The following TRNT1 variants were observed in gnomAD, a reference collection of about 807,000 sequenced individuals.
TRNT1 encodes the protein tRNA nucleotidyl transferase 1, also known as CCA tRNA nucleotidyltransferase 1, mitochondrial.
Under a neutral mutation model 45.6 loss-of-function variants are expected in TRNT1, and 44 were observed. That is an observed-to-expected ratio of 0.97 (90% CI 0.76 to 1.24). The LOEUF is 1.24. Ranked by LOEUF, TRNT1 falls within the 50% of genes most tolerant of loss-of-function variation. The pLI is 0.00. For synonymous variants in TRNT1, 201 were observed against 171.4 expected, an observed-to-expected ratio of 1.17 and a Z score of -1.35; for missense variants, 633 against 504.4, an observed-to-expected ratio of 1.25 and a Z score of -2.44.
chr3:3,133,577 T>G (rs1398686715), intron 2 of TRNT1, among the ~76,000 whole-genome samples: 1 of 149,304 alleles, frequency 6.7e-6, no homozygotes, highest in African/African-American at 2.5e-5. Flanking sequence ...AATGAGAGAC[T>G]ATTTTTCTGT....
chr3:3,142,349 C>T (rs377622832), intron 4 of TRNT1, among the ~76,000 whole-genome samples: 1 of 152,280 alleles, frequency 6.6e-6, no homozygotes, highest in South Asian at 2.1e-4. Flanking sequence ...AATTTAATCT[C>T]CTGACAACCC....
chr3:3,130,240 A>G (rs1704926093), intron 2 of TRNT1: 2 of 390,996 alleles, frequency 5.1e-6, no homozygotes, highest in Admixed American at 8.5e-5. Context: ...TAAAGCACAC[A>G]TGCTCGGGTT....
chr3:3,152,326 T>C (rs1706623052), downstream of TRNT1: 1 of 1,035,338 alleles, frequency 9.7e-7, no homozygotes, highest in Non-Finnish European at 1.5e-6. Context: ...CTAATTTTTG[T>C]AGCAAATTAC....
At chr3:3,129,330 G>A in intron 2 of TRNT1, 142 bp downstream of exon 2, 6 of 809,440 alleles carry the variant, frequency 7.4e-6, no homozygotes, top group South Asian at 1.8e-5. Context: ...GGGTCTCTTT[G>A]TGTTGCCCAG....
At chr3:3,137,568 T>G (rs1403310186) in intron 3 of TRNT1, 115 bp downstream of exon 3, 2 of 851,620 alleles carry the variant, frequency 2.3e-6, no homozygotes, top group East Asian at 5.4e-5. Context: ...CAGTCTCTTC[T>G]ATGCCCGTCA....
chr3:3,128,210 C>T (rs939477641), intron 1 of TRNT1, among the ~76,000 whole-genome samples: 3 of 152,114 alleles, frequency 2.0e-5, no homozygotes, highest in Non-Finnish European at 4.4e-5. Context: ...TTGGGGAGTT[C>T]CCTCAGACCC....
At position 3,137,465 on chromosome 3, in the gene TRNT1, G is replaced by T. The variant is rs1202757381; in HGVS notation, c.342+12G>T. On this transcript the variant is annotated intron_variant, in intron 3 of 7. Transcript: ENST00000251607. ...CAATTACTGCCAGGGTGAGTCAAAA[G>T]TTTGACAGGTAATTACATTGCTTTT... 27 of 1,584,848 alleles carry T rather than the reference G, an allele frequency of 1.7e-5. No homozygotes were observed. The highest frequency in any genetic ancestry group is 2.2e-5 in the Non-Finnish European group (26 of 1,167,702).
At chr3:3,149,168 A>T (rs1559234705), downstream of TRNT1, 1 of 152,136 alleles carries the variant, frequency 6.6e-6, no homozygotes, top group Admixed American at 6.5e-5. Flanking sequence ...GTAGAGTGTA[A>T]TATTTCTAAG....
At position 3,137,386 on chromosome 3, in the gene TRNT1, T is replaced by C. The variant is rs1705392800; in HGVS notation, c.275T>C (p.Met92Thr). The change falls in exon 3 of 8, where the codon ATG becomes ACG. Residue 92 changes from methionine to threonine, a missense_variant. By Grantham distance (81) the Met-to-Thr change is moderately conservative (BLOSUM62 -1). Coordinates refer to ENST00000251607, the MANE Select transcript of TRNT1 (RefSeq NM_182916.3). ...GCTACCCCTACTCAAATGAAGGAGA[T>C]GTTTCAGTCGGCTGGGATTCGGATG... is the stretch of plus-strand genomic sequence containing the variant. ...TTATPTQMKE[M>T]FQSAGIRMIN... The C allele has an allele frequency of 6.2e-7, 1 of 1,613,972 alleles. No individual in the cohort carries two copies. Among genetic ancestry groups the C allele is most frequent in the African/African-American group, 1.3e-5 (1 of 75,046 alleles).
chr3:3,142,384 C>CTTAA (rs1274409395), intron 4 of TRNT1, among the ~76,000 whole-genome samples: 1 of 152,208 alleles, frequency 6.6e-6, no homozygotes, highest in African/African-American at 2.4e-5. Flanking sequence ...TGCTATTTAA[C>CTTAA]CGATGGTAAC....
At chr3:3,135,667 G>A (rs1705285873) in intron 2 of TRNT1, among the ~76,000 whole-genome samples, 1 of 152,190 alleles carries the variant, frequency 6.6e-6, no homozygotes, top group African/African-American at 2.4e-5. Flanking sequence ...AGGTGGAAGA[G>A]GAGTGTGGGC....
intron 2 of TRNT1, among the ~76,000 whole-genome samples, chr3:3,133,488 C>T (rs1446444707): frequency 6.6e-6 from 1 of 151,598 alleles, no homozygotes; most frequent in African/African-American, 2.4e-5. Context: ...AACTTGGGGT[C>T]AGGGCTGCAG....
intron 5 of TRNT1, 150 bp from the exon 6 acceptor site, chr3:3,146,280 T>C (rs1575064134): frequency 8.9e-6 from 4 of 450,602 alleles, no homozygotes; most frequent in East Asian, 7.0e-5. Context: ...AAATGACCAG[T>C]TGCTTTCTAA....
At chr3:3,136,753 C>G (rs964866995) in intron 2 of TRNT1, 1 of 384,070 alleles carries the variant, frequency 2.6e-6, no homozygotes, top group African/African-American at 2.1e-5. Context: ...CTCCTGGGCT[C>G]AAGCCATCCT....
intron 2 of TRNT1, among the ~76,000 whole-genome samples, chr3:3,134,921 T>C (rs182000458): frequency 4.0e-4 from 61 of 152,236 alleles, no homozygotes; most frequent in African/African-American, 1.4e-3. Flanking sequence ...TGAGGCTTCC[T>C]AAAGTGAGTC....
At position 3,146,430 on chromosome 3, in the gene TRNT1, G is replaced by T; in HGVS notation, c.609G>T (p.Arg203Ser). ...EDYLRILRYF[R>S]FYGRIVDKPG... ...ACCCTGTGAAGATTTTGTCTTGTAG[G>T]TTTTATGGGAGAATTGTAGACAAAC... Residue 203 changes from arginine (R) to serine (S), a missense_variant and splice_region_variant, in exon 6 of 8, where the codon AGG becomes AGT. Coordinates refer to ENST00000251607, the MANE Select transcript of TRNT1 (RefSeq NM_182916.3). 1.9e-6 allele frequency: 3 copies of T among 1,607,274 alleles called. No individual in the cohort carries two copies. Among genetic ancestry groups the T allele is most frequent in the African/African-American group, 1.3e-5 (1 of 74,456 alleles).
At position 3,137,345 on chromosome 3, in the gene TRNT1, A is replaced by G. The variant is rs2126017445; in HGVS notation, c.234A>G (p.Ile78Met). The change falls in exon 3 of 8, where the codon ATA (isoleucine) becomes ATG (methionine). Residue 78 changes from isoleucine to methionine, a missense_variant. Physicochemically the swap from Ile to Met is conservative, Grantham distance 10. Transcript: ENST00000251607. ...TAAATGGAGTAAAGCCTCAGGATAT[A>G]GATTTTGCCACCACTGCTACCCCTA... ...DLLNGVKPQD[I>M]DFATTATPTQ... 6.2e-7 allele frequency: 1 copy of G among 1,614,056 alleles called. No individual in the cohort carries two copies. Among genetic ancestry groups the G allele is most frequent in the Non-Finnish European group, 8.5e-7 (1 of 1,179,916 alleles).
downstream of TRNT1, among the ~76,000 whole-genome samples, chr3:3,152,778 TTGTCTAAA>T (rs753675233): frequency 2.2e-4 from 33 of 152,276 alleles, no homozygotes; most frequent in Middle Eastern, 6.8e-3. Flanking sequence ...CAGGCCTGTT[TTGTCTAAA>T]TGTCTAAATG....
chr3:3,147,714 A>AGATGTAAGTATATG lies in TRNT1; in HGVS notation c.1056+11_1056+12insGATGTAAGTATATG. 6.3e-7 allele frequency: 1 copy of AGATGTAAGTATATG among 1,598,728 alleles called. No individual in the cohort carries two copies. The highest frequency in any genetic ancestry group is 1.1e-5 in the South Asian group (1 of 88,490). ...GACTTCATTATAGATGTAAGTATAT[A>AGATGTAAGTATATG]CTAGGCTTGGTCAGAAATATGAAGT... On this transcript the variant is annotated intron_variant, in intron 7 of 7. Coordinates refer to ENST00000251607, the MANE Select transcript of TRNT1 (RefSeq NM_182916.3).
Sources: gnomAD v4.1 joint callset for allele counts (sites outside exome capture counted in the v4.1 genomes callset) on GRCh38, gnomAD v4.1.1 for gene constraint, MANE v1.5 for transcripts, NCBI Gene and HGNC (gene_info 2026-07-23, HGNC 2026-07-21) for gene names.